The following PLXNA4 variants were observed in gnomAD, a reference collection of about 807,000 sequenced individuals.
PLXNA4 encodes plexin A4, also known as plexin-A4.
Under a neutral mutation model 191.8 loss-of-function variants are expected in PLXNA4, and 44 were observed. The observed-to-expected ratio is 0.23, with a 90% CI of 0.18 to 0.29. PLXNA4 has a LOEUF of 0.29. Ranked by LOEUF, PLXNA4 falls within the 10% of genes least tolerant of loss-of-function variation. The pLI is 1.00. For synonymous variants in PLXNA4, 1,082 were observed against 1,009.5 expected (o/e 1.07, Z -1.36); for missense variants, 1,800 against 2,488.8 (o/e 0.72, Z 5.89).
intron 3 of PLXNA4, among the ~76,000 whole-genome samples, chr7:132,300,248 T>G (rs751170952): frequency 1.5e-4 from 23 of 152,204 alleles, no homozygotes; most frequent in Non-Finnish European, 2.5e-4. Flanking sequence ...AGTCCATGCT[T>G]TTCCTACCAC....
At position 132,361,373 on chromosome 7, in the gene PLXNA4, C is replaced by T. The variant is rs537480426; in HGVS notation, c.1372-63151G>A. Among the ~76,000 whole-genome samples the T allele has an allele frequency of 4.9e-4, 75 of 152,138 alleles. 4 individuals are homozygous for T. In the South Asian group the frequency reaches 0.013, roughly 27 times the overall value. Reference sequence around the variant, plus strand: ...ACCTCGTGGGCTACAGAAAATGATGCGTTGATTGATTTGCTTATTGGGCCT... The same window carrying T: ...ACCTCGTGGGCTACAGAAAATGATGTGTTGATTGATTTGCTTATTGGGCCT... On this transcript the variant is annotated intron_variant, in intron 3 of 31. Transcript: ENST00000321063.
intron 3 of PLXNA4, among the ~76,000 whole-genome samples, chr7:132,321,436 G>A (rs2116638754): frequency 6.6e-6 from 1 of 151,340 alleles, no homozygotes; most frequent in East Asian, 2.0e-4. Flanking sequence ...GATGCTCATT[G>A]CGCTGGCTGT....
chr7:132,633,948 C>G (rs755900660), intron 2 of PLXNA4, among the ~76,000 whole-genome samples: 12 of 151,984 alleles, frequency 7.9e-5, no homozygotes, highest in Non-Finnish European at 1.6e-4. Context: ...CACACACACG[C>G]ACATGCACCA....
At chr7:132,132,468 C>CTGTTCTGCTCTGTTCTGT (rs1563048357) in intron 31 of PLXNA4, among the ~76,000 whole-genome samples, 1 of 44,562 alleles carries the variant, frequency 2.2e-5, no homozygotes, top group East Asian at 5.7e-4. Context: ...TTCTGTTCTG[C>CTGTTCTGCTCTGTTCTGT]TCTGCTCTGC....
rs746445617 is a variant in PLXNA4, at chr7:132,145,161, C to T, written c.5183G>A (p.Gly1728Asp). Residue 1728 changes from glycine to aspartate, a missense_variant, in exon 29 of 32, where the codon GGC (glycine) becomes GAC (aspartate). Physicochemically the swap from Gly to Asp is moderately conservative, Grantham distance 94 (BLOSUM62 -1). Around this residue, in one of 6 missense-constraint regions of PLXNA4, gnomAD observed 101 missense variants for 182.8 expected, o/e 0.55. Coordinates refer to ENST00000321063, the MANE Select transcript of PLXNA4 (RefSeq NM_020911.2). ...ATGGCGGACGTGCGGGTCATGAATG[C>T]CATGTTTATCAGCCTGCTCATCCAG... ...DFLDEQADKHGIHDPHVRHTW... is the reference protein window; with the variant it reads ...DFLDEQADKHDIHDPHVRHTW... 3.1e-6 allele frequency: 5 copies of T among 1,614,156 alleles called. No individual in the cohort carries two copies. In the South Asian group the frequency reaches 5.5e-5, roughly 18 times the overall value.
chr7:132,223,171 A>C (rs566675386), intron 9 of PLXNA4, among the ~76,000 whole-genome samples: 1 of 152,334 alleles, frequency 6.6e-6, no homozygotes, highest in South Asian at 2.1e-4. Context: ...GGAACAGCTG[A>C]GGAGTCTGGA....
At chr7:132,244,828 T>G (rs371052433) in intron 4 of PLXNA4, among the ~76,000 whole-genome samples, 9 of 152,258 alleles carry the variant, frequency 5.9e-5, no homozygotes, top group African/African-American at 1.9e-4. Flanking sequence ...AAATCACTTT[T>G]GAAAACTGGA....
chr7:132,641,979 T>A (rs997111113), intron 2 of PLXNA4, among the ~76,000 whole-genome samples: 8 of 152,192 alleles, frequency 5.3e-5, no homozygotes, highest in African/African-American at 1.9e-4. Flanking sequence ...TGTGTGTGTT[T>A]TAGATGAAAT....
Position 132,516,893 on chromosome 7 carries a change from G to A in PLXNA4, c.-86-8114C>T, listed in dbSNP as rs552530409. ...CACTTGAGCTCAGGAGGCAGAGGTTGCAGCGGTGAGCCGAGATTGTGCCAC... is the reference window on the plus strand; with the variant it reads ...CACTTGAGCTCAGGAGGCAGAGGTTACAGCGGTGAGCCGAGATTGTGCCAC... On this transcript the variant is annotated intron_variant, in intron 1 of 31. Coordinates refer to ENST00000321063, the MANE Select transcript of PLXNA4 (RefSeq NM_020911.2). 5.9e-5 allele frequency among the ~76,000 whole-genome samples: 9 copies of A among 152,322 alleles called. No homozygotes were observed. The South Asian group carries it at 1.7e-3, about 28-fold the overall frequency.
At chr7:132,487,272 G>A (rs555339016) in intron 3 of PLXNA4, among the ~76,000 whole-genome samples, 5 of 152,206 alleles carry the variant, frequency 3.3e-5, no homozygotes, top group East Asian at 3.9e-4. Flanking sequence ...GAAATTCAGC[G>A]GGTAAGACTC....
intron 4 of PLXNA4, among the ~76,000 whole-genome samples, chr7:132,257,489 C>A (rs1278811395): frequency 6.6e-6 from 1 of 152,202 alleles, no homozygotes. Flanking sequence ...TGTCTGACTT[C>A]ATGAGACTTT....
chr7:132,180,843 G>A, intron 18 of PLXNA4, 111 bp from the exon 19 acceptor site: 4 of 1,493,396 alleles, frequency 2.7e-6, no homozygotes, highest in Non-Finnish European at 1.8e-6. Flanking sequence ...AGCTGGTGAA[G>A]AAGCCACCTT....
chr7:132,550,914 C>T (rs1348294999), intron 1 of PLXNA4, among the ~76,000 whole-genome samples: 1 of 152,238 alleles, frequency 6.6e-6, no homozygotes, highest in Non-Finnish European at 1.5e-5. Context: ...TCAAACCCAG[C>T]TCCTCAAAAA....
chr7:132,179,377 G>A (rs755661220), intron 20 of PLXNA4, among the ~76,000 whole-genome samples: 1 of 146,882 alleles, frequency 6.8e-6, no homozygotes, highest in Non-Finnish European at 1.5e-5. Flanking sequence ...CTGCTTGCTT[G>A]TACATGAAAC....
intron 2 of PLXNA4, among the ~76,000 whole-genome samples, chr7:132,605,809 T>C (rs982307285): frequency 1.3e-5 from 2 of 151,902 alleles, no homozygotes; most frequent in Admixed American, 1.3e-4. Context: ...AGAGGGAAAT[T>C]TGGACACAGA....
intron 1 of PLXNA4, among the ~76,000 whole-genome samples, chr7:132,573,735 C>T (rs1314260668): frequency 6.6e-6 from 1 of 152,124 alleles, no homozygotes; most frequent in Non-Finnish European, 1.5e-5. Context: ...AGGAGGAAGT[C>T]CTGGGAGGAC....
chr7:132,152,203 G>A (rs531140764), intron 25 of PLXNA4, among the ~76,000 whole-genome samples: 6 of 152,288 alleles, frequency 3.9e-5, no homozygotes, highest in South Asian at 4.1e-4. Context: ...AAAGACCATC[G>A]CAGGTGGCTT....
chr7:132,252,618 C>A (rs1187826720), intron 4 of PLXNA4, among the ~76,000 whole-genome samples: 2 of 152,076 alleles, frequency 1.3e-5, no homozygotes, highest in African/African-American at 4.8e-5. Flanking sequence ...GGGTTTTATG[C>A]CTTATGCACT....
At chr7:132,518,201 T>C (rs142267277) in intron 1 of PLXNA4, among the ~76,000 whole-genome samples, 2 of 152,142 alleles carry the variant, frequency 1.3e-5, no homozygotes, top group Non-Finnish European at 2.9e-5. Flanking sequence ...CCCTTGCCCC[T>C]TGTTGCTAGC....
Sources: allele counts gnomAD v4.1 joint callset (sites outside exome capture counted in the v4.1 genomes callset), GRCh38; gene constraint gnomAD v4.1.1; regional missense constraint gnomAD v4.1.1; transcripts MANE v1.5; gene names NCBI Gene and HGNC (gene_info 2026-07-23, HGNC 2026-07-21).